EFNA5: variants seen among roughly 807,000 people sequenced by gnomAD.
The protein encoded by EFNA5 is ephrin-A5.
Under a neutral mutation model 22.9 loss-of-function variants are expected in EFNA5, and 5 were observed. That is an observed-to-expected ratio of 0.22 (90% CI 0.11 to 0.46). The LOEUF (loss-of-function observed/expected upper bound fraction) is 0.46, where lower values mean the gene tolerates loss of function less well. Among genes scored for constraint, EFNA5 ranks in the 20% least tolerant of loss-of-function variants. EFNA5 has a pLI of 0.99. For missense variants in EFNA5, 237 were observed against 293.3 expected (o/e 0.81, Z 1.40); for synonymous variants, 113 against 112.2 (o/e 1.01, Z -0.04).
chr5:107,475,904 G>A (rs1042224553), intron 1 of EFNA5, among the ~76,000 whole-genome samples: 18 of 150,712 alleles, frequency 1.2e-4, no homozygotes, highest in African/African-American at 4.4e-4. Flanking sequence ...CTTTAAAAAT[G>A]CTAATATCAA....
intron 2 of EFNA5, among the ~76,000 whole-genome samples, chr5:107,422,433 G>A (rs1748693932): frequency 6.6e-6 from 1 of 152,258 alleles, no homozygotes; most frequent in African/African-American, 2.4e-5. Context: ...TATAGAGAAT[G>A]CAGAGAACAA....
chr5:107,489,740 CA>C (rs1180602928), intron 1 of EFNA5, among the ~76,000 whole-genome samples: 3 of 151,328 alleles, frequency 2.0e-5, no homozygotes, highest in Non-Finnish European at 4.4e-5. Context: ...TTATTTGTGG[CA>C]AAATGAGAAA....
intron 1 of EFNA5, among the ~76,000 whole-genome samples, chr5:107,615,160 C>A (rs1055541611): frequency 2.0e-5 from 3 of 152,000 alleles, no homozygotes; most frequent in African/African-American, 4.8e-5. Flanking sequence ...AAAAAAAAAT[C>A]TTTAAAATGA....
At chr5:107,408,014 T>C (rs906267261) in intron 2 of EFNA5, among the ~76,000 whole-genome samples, 1 of 152,198 alleles carries the variant, frequency 6.6e-6, no homozygotes, top group Admixed American at 6.5e-5. Context: ...GTGGGAGCTG[T>C]CTGTGATACT....
In EFNA5 at chr5:107,395,034, C is replaced by CTTTTTTTTTTTTTTTTT. The variant is rs58619326; in HGVS notation, c.419-7280_419-7264dup. On this transcript the variant is annotated intron_variant, in intron 2 of 4. Coordinates refer to ENST00000333274, the MANE Select transcript of EFNA5 (RefSeq NM_001962.3). ...CCCCTTATAAGAAGGATTTCTAGTTCTTTTTTTTTTTTTTTTTTCCGCGAG... is the reference window on the plus strand; with the variant it reads ...CCCCTTATAAGAAGGATTTCTAGTTCTTTTTTTTTTTTTTTTTTTTTTTTTTTTTTTTTTTCCGCGAG... Among the ~76,000 whole-genome samples, 46 of 86,116 alleles carry CTTTTTTTTTTTTTTTTT rather than the reference C, an allele frequency of 5.3e-4. 9 individuals are homozygous for CTTTTTTTTTTTTTTTTT. The highest frequency in any genetic ancestry group is 6.9e-4 in the African/African-American group (16 of 23,186). 56.5% of individuals were successfully genotyped at this position (86,116 alleles called of 152,430 possible).
At chr5:107,567,174 G>T (rs1330536643) in intron 1 of EFNA5, among the ~76,000 whole-genome samples, 1 of 152,096 alleles carries the variant, frequency 6.6e-6, no homozygotes, top group Non-Finnish European at 1.5e-5. Context: ...TAAAAAGCAG[G>T]ACTCTGGTCA....
At chr5:107,637,212 T>C (rs933787045) in intron 1 of EFNA5, among the ~76,000 whole-genome samples, 2 of 152,096 alleles carry the variant, frequency 1.3e-5, no homozygotes, top group African/African-American at 2.4e-5. Flanking sequence ...AATATAATTA[T>C]AAGAGAAATC....
At chr5:107,553,045 C>A (rs1748332328) in intron 1 of EFNA5, among the ~76,000 whole-genome samples, 1 of 152,120 alleles carries the variant, frequency 6.6e-6, no homozygotes, top group South Asian at 2.1e-4. Context: ...AAGGAATTAG[C>A]TTTAGATATA....
At chr5:107,456,123 A>T (rs1292992078) in intron 1 of EFNA5, among the ~76,000 whole-genome samples, 1 of 152,190 alleles carries the variant, frequency 6.6e-6, no homozygotes, top group Admixed American at 6.6e-5. Context: ...ACAGGTCCAT[A>T]TTCCACATGG....
intron 1 of EFNA5, among the ~76,000 whole-genome samples, chr5:107,476,760 T>TCTCTCACA (rs1233592824): frequency 1.3e-5 from 2 of 150,292 alleles, no homozygotes; most frequent in South Asian, 4.2e-4. Flanking sequence ...TCTCTCTCTC[T>TCTCTCACA]CACAGGAACA....
chr5:107,500,856 C>G (rs1300395837), intron 1 of EFNA5, among the ~76,000 whole-genome samples: 2 of 136,398 alleles, frequency 1.5e-5, no homozygotes, highest in Non-Finnish European at 3.1e-5. Context: ...TAGCAAGTAC[C>G]TAAAAAATAT....
intron 1 of EFNA5, among the ~76,000 whole-genome samples, chr5:107,519,226 A>C (rs1747545127): frequency 1.3e-5 from 2 of 152,220 alleles, no homozygotes; most frequent in African/African-American, 4.8e-5. Context: ...CCTAATTCTA[A>C]AAGTCGGAAC....
chr5:107,423,604 T>C (rs1196737623), intron 2 of EFNA5, among the ~76,000 whole-genome samples: 1 of 152,188 alleles, frequency 6.6e-6, no homozygotes, highest in East Asian at 1.9e-4. Context: ...TATAAACAAC[T>C]ATTGTCTTAA....
chr5:107,519,065 T>C (rs190246789), intron 1 of EFNA5, among the ~76,000 whole-genome samples: 1 of 152,352 alleles, frequency 6.6e-6, no homozygotes, highest in East Asian at 1.9e-4. Context: ...TTAATGAATA[T>C]GCTTTCAACC....
intron 1 of EFNA5, among the ~76,000 whole-genome samples, chr5:107,598,765 C>T (rs1046169854): frequency 6.6e-6 from 1 of 152,260 alleles, no homozygotes; most frequent in East Asian, 1.9e-4. Context: ...AATCTCAATA[C>T]AACATTTTTT....
In EFNA5 at chr5:107,624,327, T is replaced by C. The variant is rs574268781; in HGVS notation, c.125+46162A>G. Among the ~76,000 whole-genome samples, 33 of 152,282 alleles carry C rather than the reference T, an allele frequency of 2.2e-4. 1 individual carries two copies. Among genetic ancestry groups the C allele is most frequent in the African/African-American group, 3.1e-4 (13 of 41,572 alleles). Reference sequence around the variant, plus strand: ...CCCAATCAGACAGTGAGGAACATTATACAACATTCATGGTTTTCATTCTTT... The same window carrying C: ...CCCAATCAGACAGTGAGGAACATTACACAACATTCATGGTTTTCATTCTTT... On this transcript the variant is annotated intron_variant, in intron 1 of 4. Coordinates refer to ENST00000333274, the MANE Select transcript of EFNA5 (RefSeq NM_001962.3).
At chr5:107,511,468 C>G (rs755895718) in intron 1 of EFNA5, among the ~76,000 whole-genome samples, 1 of 152,062 alleles carries the variant, frequency 6.6e-6, no homozygotes, top group Non-Finnish European at 1.5e-5. Context: ...AAGCATGAAA[C>G]TGGTAGAGAA....
intron 4 of EFNA5, among the ~76,000 whole-genome samples, 178 bp from the exon 5 acceptor site, chr5:107,381,554 C>A (rs1410395288): frequency 6.6e-6 from 1 of 152,140 alleles, no homozygotes; most frequent in Admixed American, 6.5e-5. Flanking sequence ...AAAGAAGAGG[C>A]AAAGAAAATT....
chr5:107,616,367 T>C (rs1749913282), intron 1 of EFNA5, among the ~76,000 whole-genome samples: 1 of 152,194 alleles, frequency 6.6e-6, no homozygotes, highest in Admixed American at 6.5e-5. Context: ...TGGTTTAGGC[T>C]GCACTACCGC....
Sources: gnomAD v4.1 joint callset for allele counts (sites outside exome capture counted in the v4.1 genomes callset) on GRCh38, gnomAD v4.1.1 for gene constraint, MANE v1.5 for transcripts, NCBI Gene and HGNC (gene_info 2026-07-23, HGNC 2026-07-21) for gene names.